Variants in AMZ1 observed in about 807,000 individuals in gnomAD.
The protein encoded by AMZ1 is archaelysin family metallopeptidase 1.
AMZ1 carries 39 observed loss-of-function variants against 29.9 expected under a neutral mutation model. The ratio of observed to expected loss-of-function variants is 1.30; its 90% confidence interval spans 1.01 to 1.70. The LOEUF (loss-of-function observed/expected upper bound fraction) is 1.70, where lower values mean the gene tolerates loss of function less well. AMZ1 is among the 40% of genes most tolerant of loss of function. AMZ1 has a pLI of 0.00. For missense variants in AMZ1, 1,041 were observed against 680.6 expected, an observed-to-expected ratio of 1.53 and a Z score of -5.89; for synonymous variants, 458 against 304.0, an observed-to-expected ratio of 1.51 and a Z score of -5.27.
intron 3 of AMZ1, among the ~76,000 whole-genome samples, chr7:2,707,447 C>T (rs528414212): frequency 2.0e-5 from 3 of 152,262 alleles, no homozygotes; most frequent in Admixed American, 6.6e-5. Flanking sequence ...CCCGTGGTGG[C>T]TGCTCTGCCC....
At chr7:2,721,405 C>T (rs1164963666), downstream of AMZ1, among the ~76,000 whole-genome samples, 1 of 152,208 alleles carries the variant, frequency 6.6e-6, no homozygotes, top group African/African-American at 2.4e-5. Context: ...AATCCACTGC[C>T]ACACACATTC....
At position 2,718,113 on chromosome 7, in the gene AMZ1, G is replaced by A. The variant is rs139578041; in HGVS notation, c.*5235G>A. Among the ~76,000 whole-genome samples the A allele has an allele frequency of 2.6e-3, 390 of 152,312 alleles. No individual in the cohort carries two copies. Among genetic ancestry groups the A allele is most frequent in the Non-Finnish European group, 4.7e-3 (317 of 68,022 alleles). ...GATTAACCAGAGACGACACCTACCA[G>A]ATTCCACCACTGAGGCCTCCCTCGA... is the stretch of plus-strand genomic sequence containing the variant. On this transcript the variant is annotated 3_prime_UTR_variant, in exon 7 of 7. Coordinates refer to ENST00000683327, the MANE Select transcript of AMZ1 (RefSeq NM_001384743.1).
intron 4 of AMZ1, among the ~76,000 whole-genome samples, chr7:2,752,492 T>A (rs970190096): frequency 2.6e-5 from 4 of 152,106 alleles, no homozygotes; most frequent in Non-Finnish European, 5.9e-5. Flanking sequence ...ACACAGGGAC[T>A]GGAAAGCAAG....
Position 2,754,970 on chromosome 7 carries a change from G to C in AMZ1, n.551-9742G>C, listed in dbSNP as rs566096151. On this transcript the variant is annotated intron_variant and non_coding_transcript_variant, in intron 4 of 4. Transcript: ENST00000489665. ...CAGTTTGAATTAATTTTGTATAAGA[G>C]ATTTAGGTCAAGGTTCACTTTTTCT... Among the ~76,000 whole-genome samples the C allele has an allele frequency of 8.5e-5, 13 of 152,292 alleles. No homozygotes were observed. The South Asian group carries it at 2.7e-3, about 32-fold the overall frequency.
At chr7:2,708,129 A>T (rs369002593) in intron 3 of AMZ1, among the ~76,000 whole-genome samples, 3 of 151,914 alleles carry the variant, frequency 2.0e-5, no homozygotes, top group Admixed American at 1.3e-4. Context: ...GGCCTTACCG[A>T]GGGTTCTTGT....
intron 4 of AMZ1, among the ~76,000 whole-genome samples, chr7:2,726,131 C>G (rs1250132706): frequency 6.6e-6 from 1 of 152,224 alleles, no homozygotes; most frequent in Non-Finnish European, 1.5e-5. Context: ...ACATGTGATG[C>G]ACCTTACAGA....
intron 4 of AMZ1, chr7:2,733,627 A>G: frequency 1.4e-6 from 1 of 718,672 alleles, no homozygotes; most frequent in East Asian, 2.7e-5. Context: ...AGCAAAGGAA[A>G]AAGGCAGAGA....
intron 1 of AMZ1, among the ~76,000 whole-genome samples, chr7:2,682,358 C>T (rs1220289571): frequency 6.6e-6 from 1 of 152,190 alleles, no homozygotes; most frequent in African/African-American, 2.4e-5. Flanking sequence ...CCGGGTGGGC[C>T]CCCAGCACAC....
chr7:2,737,751 T>G (rs1790281529), intron 4 of AMZ1, among the ~76,000 whole-genome samples: 1 of 152,252 alleles, frequency 6.6e-6, no homozygotes, highest in African/African-American at 2.4e-5. Context: ...ATTTTAAAAC[T>G]GCTGTGTATG....
At position 2,706,228 on chromosome 7, in the gene AMZ1, C is replaced by T. The variant is rs189709661; in HGVS notation, c.473-2360C>T. ...TCTTGCTTTGTGACCCAGGCTCAAG[C>T]GCAGTGGTGCGATCATAGCTCCCTG... On this transcript the variant is annotated intron_variant, in intron 3 of 6. Transcript: ENST00000683327. Among the ~76,000 whole-genome samples the T allele has an allele frequency of 2.1e-3, 321 of 152,288 alleles. 1 individual carries two copies. Among genetic ancestry groups the T allele is most frequent in the African/African-American group, 7.1e-3 (297 of 41,560 alleles).
At position 2,714,732 on chromosome 7, in the gene AMZ1, T is replaced by G. The variant is rs1789018661; in HGVS notation, c.*1854T>G. On this transcript the variant is annotated 3_prime_UTR_variant, in exon 7 of 7. Coordinates refer to ENST00000683327, the MANE Select transcript of AMZ1 (RefSeq NM_001384743.1). ...CGACTGGAGTGTTCGTTCACACGGC[T>G]GCCAAGTGGAATTTGGCTGGGAATC... 1 of 152,230 alleles carries G rather than the reference T, an allele frequency of 6.6e-6. No individual in the cohort carries two copies. Among genetic ancestry groups the G allele is most frequent in the South Asian group, 2.1e-4 (1 of 4,832 alleles). 9.4% of individuals were successfully genotyped at this position (152,230 alleles called of 1,614,324 possible). A position where few individuals can be genotyped will look rare whatever the true frequency, so the allele number is the denominator to read the frequency against.
Position 2,689,939 on chromosome 7 carries a change from C to T in AMZ1, c.-219+1643C>T, listed in dbSNP as rs961297922. ...GCTCTGGCTCTATGTGAGGAGTGGT[C>T]TTGTGCAGAAATGACCTGGCAGGAT... On this transcript the variant is annotated intron_variant, in intron 1 of 6. Coordinates refer to ENST00000683327, the MANE Select transcript of AMZ1 (RefSeq NM_001384743.1). 7.2e-5 allele frequency among the ~76,000 whole-genome samples: 11 copies of T among 152,220 alleles called. 1 individual carries two copies. Among genetic ancestry groups the T allele is most frequent in the South Asian group, 2.1e-4 (1 of 4,818 alleles).
downstream of AMZ1, among the ~76,000 whole-genome samples, chr7:2,720,078 C>A (rs1321517770): frequency 1.3e-5 from 2 of 152,190 alleles, no homozygotes; most frequent in Non-Finnish European, 2.9e-5. Flanking sequence ...TAAGCAATTC[C>A]TTGCATTTGA....
At position 2,715,700 on chromosome 7, in the gene AMZ1, C is replaced by T. The variant is rs568554972; in HGVS notation, c.*2822C>T. The T allele has an allele frequency of 2.0e-5, 3 of 152,180 alleles. No homozygotes were observed. Among genetic ancestry groups the T allele is most frequent in the Non-Finnish European group, 4.4e-5 (3 of 68,062 alleles). The allele number at this position is 152,180 out of a possible 1,614,324, so 9.4% of individuals were successfully genotyped here. A position where few individuals can be genotyped will look rare whatever the true frequency, so the allele number is the denominator to read the frequency against. On this transcript the variant is annotated 3_prime_UTR_variant, in exon 7 of 7. Transcript: ENST00000683327. Reference sequence around the variant, plus strand: ...TGAGGAAGAGAAATTGGTTTCCCTCCTCTCCCCCGTGTTAGCCCCAGGTTC... The same window carrying T: ...TGAGGAAGAGAAATTGGTTTCCCTCTTCTCCCCCGTGTTAGCCCCAGGTTC...
chr7:2,740,166 CTTTTCTGGG>C (rs1430575053), intron 4 of AMZ1, among the ~76,000 whole-genome samples: 4 of 151,992 alleles, frequency 2.6e-5, no homozygotes, highest in Non-Finnish European at 5.9e-5. Context: ...CCAGTGTGAT[CTTTTCTGGG>C]TTTTCTGGCA....
At chr7:2,740,008 C>A (rs1206690961) in intron 4 of AMZ1, among the ~76,000 whole-genome samples, 1 of 152,138 alleles carries the variant, frequency 6.6e-6, no homozygotes, top group African/African-American at 2.4e-5. Flanking sequence ...TTTCTGAAGA[C>A]CACCAAGCTG....
At chr7:2,720,033 G>C (rs530827477), downstream of AMZ1, among the ~76,000 whole-genome samples, 5 of 152,314 alleles carry the variant, frequency 3.3e-5, no homozygotes, top group African/African-American at 1.2e-4. Flanking sequence ...ATTCTGGAAG[G>C]CTAAATGAAA....
rs1789332679 is a variant in AMZ1, at chr7:2,719,598, T to C, written c.*6720T>C. 6.6e-6 allele frequency among the ~76,000 whole-genome samples: 1 copy of C among 152,238 alleles called. No homozygotes were observed. The highest frequency in any genetic ancestry group is 2.4e-5 in the African/African-American group (1 of 41,470). On this transcript the variant is annotated 3_prime_UTR_variant, in exon 7 of 7. Coordinates refer to ENST00000683327, the MANE Select transcript of AMZ1 (RefSeq NM_001384743.1). Reference sequence around the variant, plus strand: ...CAATGACTGATGGACGACTTTGATATACAAAATAAATTGTTACTCAGCTTT... The same window carrying C: ...CAATGACTGATGGACGACTTTGATACACAAAATAAATTGTTACTCAGCTTT...
At chr7:2,737,327 C>T (rs899975742) in intron 4 of AMZ1, among the ~76,000 whole-genome samples, 9 of 119,460 alleles carry the variant, frequency 7.5e-5, no homozygotes, top group East Asian at 5.7e-4. Context: ...CTCGCCCTGT[C>T]GCCCCGGCTG....
Sources: gnomAD v4.1 joint callset for allele counts (sites outside exome capture counted in the v4.1 genomes callset) on GRCh38, gnomAD v4.1.1 for gene constraint, MANE v1.5 for transcripts, NCBI Gene and HGNC (gene_info 2026-07-23, HGNC 2026-07-21) for gene names.